The following CDH23 variants were observed in gnomAD, a reference collection of about 807,000 sequenced individuals.
CDH23 encodes the protein cadherin related 23.
In CDH23, 189 loss-of-function variants were observed where a neutral mutation model predicts 317.1. The ratio of observed to expected loss-of-function variants is 0.60; its 90% CI spans 0.53 to 0.67. CDH23 has a LOEUF of 0.67. Among genes scored for constraint, CDH23 ranks in the 30% least tolerant of loss-of-function variants. The pLI is 0.00. For missense variants in CDH23, 4,401 were observed against 4,592.4 expected (o/e 0.96, Z 1.20); for synonymous variants, 1,839 against 1,876.8 (o/e 0.98, Z 0.52).
At chr10:71,595,460 G>A (rs143345509) in intron 9 of CDH23, among the ~76,000 whole-genome samples, 1 of 152,268 alleles carries the variant, frequency 6.6e-6, no homozygotes, top group African/African-American at 2.4e-5. Flanking sequence ...CAATGCGGAG[G>A]TTCATGCTTA....
intron 3 of CDH23, among the ~76,000 whole-genome samples, chr10:71,468,248 G>T (rs555383727): frequency 6.6e-6 from 1 of 152,164 alleles, no homozygotes; most frequent in South Asian, 2.1e-4. Context: ...CCGCTGTGGG[G>T]CCCTTAAGCC....
At chr10:71,618,555 A>G (rs1861308687) in intron 11 of CDH23, among the ~76,000 whole-genome samples, 1 of 151,996 alleles carries the variant, frequency 6.6e-6, no homozygotes, top group Non-Finnish European at 1.5e-5. Context: ...CTGGAATTCC[A>G]TTAGGTTTTC....
intron 14 of CDH23, among the ~76,000 whole-genome samples, chr10:71,669,747 C>T (rs1468092244): frequency 6.6e-6 from 1 of 152,234 alleles, no homozygotes; most frequent in African/African-American, 2.4e-5. Context: ...CGTGCCTGGC[C>T]TCCCCATTCT....
At chr10:71,598,446 C>T (rs1053329988) in intron 9 of CDH23, among the ~76,000 whole-genome samples, 3 of 152,220 alleles carry the variant, frequency 2.0e-5, no homozygotes, top group Non-Finnish European at 4.4e-5. Flanking sequence ...GGGCCCTCTC[C>T]AGGAGGGCCT....
At chr10:71,461,705 A>G (rs903626793) in intron 3 of CDH23, among the ~76,000 whole-genome samples, 3 of 152,066 alleles carry the variant, frequency 2.0e-5, no homozygotes, top group South Asian at 2.1e-4. Flanking sequence ...CCGTGTTCCC[A>G]CACATTAGGT....
At chr10:71,545,369 G>A (rs1357583305) in intron 6 of CDH23, among the ~76,000 whole-genome samples, 1 of 152,138 alleles carries the variant, frequency 6.6e-6, no homozygotes, top group Admixed American at 6.5e-5. Context: ...AAGTGAGACA[G>A]TTTGCACCTT....
At chr10:71,756,929 C>T (rs1224393924) in intron 38 of CDH23, among the ~76,000 whole-genome samples, 1 of 152,200 alleles carries the variant, frequency 6.6e-6, no homozygotes, top group African/African-American at 2.4e-5. Context: ...CAAATGAGAA[C>T]AAACTGTTTT....
chr10:71,454,825 C>T (rs10823757), intron 3 of CDH23, among the ~76,000 whole-genome samples: 68,201 of 150,520 alleles, frequency 0.45, 15,650 homozygotes, highest in East Asian at 0.6. Context: ...TAAATACATA[C>T]TATATTTTTT....
At chr10:71,496,810 G>A (rs1246056534) in intron 3 of CDH23, among the ~76,000 whole-genome samples, 1 of 152,184 alleles carries the variant, frequency 6.6e-6, no homozygotes. Flanking sequence ...TGGAGATCCT[G>A]ATGTATGTGG....
At chr10:71,573,031 C>T (rs888812645) in intron 8 of CDH23, among the ~76,000 whole-genome samples, 6 of 152,224 alleles carry the variant, frequency 3.9e-5, no homozygotes. Context: ...ATCAAACGGC[C>T]TCCTGACCAG....
At chr10:71,443,785 T>G (rs1366350513) in intron 2 of CDH23, among the ~76,000 whole-genome samples, 1 of 152,236 alleles carries the variant, frequency 6.6e-6, no homozygotes, top group Non-Finnish European at 1.5e-5. Context: ...GCCCCAAAGC[T>G]GCTGAGCACA....
At chr10:71,441,137 T>C (rs1849856343) in intron 2 of CDH23, among the ~76,000 whole-genome samples, 1 of 152,112 alleles carries the variant, frequency 6.6e-6, no homozygotes, top group African/African-American at 2.4e-5. Context: ...CCAGCTCATT[T>C]TACAGAGGAG....
At chr10:71,583,292 C>A (rs996130799) in intron 9 of CDH23, among the ~76,000 whole-genome samples, 12 of 151,300 alleles carry the variant, frequency 7.9e-5, no homozygotes, top group Non-Finnish European at 1.3e-4. Context: ...GGAGGCAGGG[C>A]GGGCCATGCA....
Position 71,813,312 on chromosome 10 carries a change from G to A in CDH23, c.9702G>A (p.Val3234=), listed in dbSNP as rs966761863. The change falls in exon 69 of 70, where the codon GTG becomes GTA. Residue 3234 remains valine, a synonymous_variant. Coordinates refer to ENST00000224721, the MANE Select transcript of CDH23 (RefSeq NM_022124.6). ...AAAAGCTCTTTGCACAGCGGATGGT[G>A]CAAAAAGCCTCCTCCTGCCACTCCT... The part of the protein sequence containing the change: ...RLKKLFAQRM[V]QKASSCHSSI... 1.9e-6 allele frequency: 3 copies of A among 1,551,468 alleles called. No individual in the cohort carries two copies. The African/African-American group carries it at 4.1e-5, about 21-fold the overall frequency.
intron 6 of CDH23, among the ~76,000 whole-genome samples, chr10:71,516,105 GAC>G (rs1854320249): frequency 6.6e-6 from 1 of 152,214 alleles, no homozygotes; most frequent in Non-Finnish European, 1.5e-5. Context: ...TATGATTAGA[GAC>G]ACTGCTGAGG....
chr10:71,640,979 C>T (rs965619898), intron 11 of CDH23, among the ~76,000 whole-genome samples: 6 of 152,146 alleles, frequency 3.9e-5, no homozygotes, highest in African/African-American at 7.2e-5. Context: ...TTATAGAATG[C>T]GGATGCCTAT....
intron 14 of CDH23, among the ~76,000 whole-genome samples, chr10:71,673,942 C>T (rs1272987086): frequency 6.6e-6 from 1 of 152,116 alleles, no homozygotes; most frequent in African/African-American, 2.4e-5. Context: ...CAGCATGCAC[C>T]CCCTGAGAAC....
chr10:71,570,280 CCT>C (rs1857700602), intron 7 of CDH23, among the ~76,000 whole-genome samples: 1 of 152,198 alleles, frequency 6.6e-6, no homozygotes, highest in Non-Finnish European at 1.5e-5. Flanking sequence ...AGATTAATCC[CCT>C]CTGTGGCCTT....
intron 14 of CDH23, chr10:71,647,738 C>T (rs1228162274): frequency 6.6e-6 from 1 of 152,168 alleles, no homozygotes; most frequent in African/African-American, 2.4e-5. Flanking sequence ...CCTAGTGGAC[C>T]CAGGGGTTGG....
Sources: allele counts gnomAD v4.1 joint callset (sites outside exome capture counted in the v4.1 genomes callset), GRCh38; gene constraint gnomAD v4.1.1; transcripts MANE v1.5; gene names NCBI Gene and HGNC (gene_info 2026-07-23, HGNC 2026-07-21).